The following ZC2HC1A variants were observed in gnomAD, a reference collection of about 807,000 sequenced individuals.
The protein encoded by ZC2HC1A is zinc finger C2HC domain-containing protein 1A.
In ZC2HC1A, 28 loss-of-function variants were observed where a neutral mutation model predicts 40.7. The observed-to-expected ratio is 0.69, with a 90% CI of 0.51 to 0.94. ZC2HC1A has a LOEUF of 0.94. ZC2HC1A is among the 40% of genes least tolerant of loss of function. The probability of loss-of-function intolerance (pLI) is 0.00; values close to 1 mark genes in which losing one functional copy is unlikely to be tolerated. For synonymous variants in ZC2HC1A, 129 were observed against 129.2 expected, an observed-to-expected ratio of 1.00 and a Z score of 0.01; for missense variants, 389 against 386.3, an observed-to-expected ratio of 1.01 and a Z score of -0.06.
At chr8:78,710,878 C>T (rs968962299) in intron 7 of ZC2HC1A, among the ~76,000 whole-genome samples, 3 of 152,062 alleles carry the variant, frequency 2.0e-5, no homozygotes, top group African/African-American at 7.2e-5. Flanking sequence ...AACAAAATGC[C>T]TGCTATGTAT....
intron 7 of ZC2HC1A, among the ~76,000 whole-genome samples, chr8:78,712,855 C>G: frequency 6.6e-6 from 1 of 152,104 alleles, no homozygotes; most frequent in East Asian, 1.9e-4. Flanking sequence ...ACTTAGTTAA[C>G]TTTTAAACCA....
intron 1 of ZC2HC1A, 137 bp downstream of exon 1, chr8:78,666,301 C>T: frequency 2.1e-6 from 3 of 1,429,656 alleles, no homozygotes; most frequent in South Asian, 1.3e-5. Flanking sequence ...CCTCCGGAGG[C>T]TGGGGCCGAA....
In ZC2HC1A at chr8:78,717,503, CAA is replaced by C. The variant is rs5892663; in HGVS notation, c.*23_*24del. ...AAGAATGATTCTATGAATAGAATCTCAAAAAAAAAAAAAAGCCAAGTTCAGAG... is the reference window on the plus strand; with the variant it reads ...AAGAATGATTCTATGAATAGAATCTCAAAAAAAAAAAAGCCAAGTTCAGAG... On this transcript the variant is annotated 3_prime_UTR_variant, in exon 9 of 9. Coordinates refer to ENST00000263849, the MANE Select transcript of ZC2HC1A (RefSeq NM_016010.3). The C allele has an allele frequency of 5.1e-4, 635 of 1,253,684 alleles. No homozygotes were observed. Among genetic ancestry groups the C allele is most frequent in the South Asian group, 2.3e-3 (111 of 48,700 alleles). The allele number at this position is 1,253,684 out of a possible 1,614,324, so 77.7% of individuals were successfully genotyped here.
At chr8:78,678,383 A>G (rs1363470310) in intron 2 of ZC2HC1A, among the ~76,000 whole-genome samples, 180 bp from the exon 3 acceptor site, 1 of 152,198 alleles carries the variant, frequency 6.6e-6, no homozygotes, top group Non-Finnish European at 1.5e-5. Context: ...CGTGCATTAT[A>G]TATACGTTTT....
chr8:78,682,111 A>C (rs1219192490), intron 3 of ZC2HC1A, among the ~76,000 whole-genome samples: 1 of 152,106 alleles, frequency 6.6e-6, no homozygotes, highest in Non-Finnish European at 1.5e-5. Flanking sequence ...AAATATAGAC[A>C]TAGTAGGAAT....
At chr8:78,687,812 TA>T (rs1164622175) in intron 4 of ZC2HC1A, among the ~76,000 whole-genome samples, 5 of 132,716 alleles carry the variant, frequency 3.8e-5, no homozygotes, top group Non-Finnish European at 6.2e-5. Flanking sequence ...ATTCATGTAA[TA>T]AATATATATA....
At position 78,686,547 on chromosome 8, in the gene ZC2HC1A, T is replaced by A. The variant is rs1417651775; in HGVS notation, c.291T>A (p.Leu97=). The A allele has an allele frequency of 1.3e-6, 2 of 1,546,680 alleles. No homozygotes were observed. Among genetic ancestry groups the A allele is most frequent in the South Asian group, 1.3e-5 (1 of 77,654 alleles). The change falls in exon 4 of 9, where the codon CTT becomes CTA. Residue 97 remains leucine, a synonymous_variant. Transcript: ENST00000263849. ...FIATIRAAKG[L]DQALKEGGKL... is the part of the protein sequence containing the mutation. ...CTACCATAAGAGCAGCTAAAGGCCT[T>A]GATCAGGCCCTCAAAGAGGGTGGCA...
At chr8:78,714,445 A>G (rs1185208163) in intron 7 of ZC2HC1A, among the ~76,000 whole-genome samples, 2 of 152,196 alleles carry the variant, frequency 1.3e-5, no homozygotes, top group Non-Finnish European at 2.9e-5. Context: ...TATGAATTGT[A>G]CTTTTTTTCT....
intron 7 of ZC2HC1A, among the ~76,000 whole-genome samples, chr8:78,706,444 C>G (rs1270953889): frequency 6.6e-6 from 1 of 152,146 alleles, no homozygotes; most frequent in Non-Finnish European, 1.5e-5. Context: ...ACTGAAGGCT[C>G]TAGTGGAGTG....
At chr8:78,672,768 T>C (rs1337382619) in intron 1 of ZC2HC1A, among the ~76,000 whole-genome samples, 2 of 152,218 alleles carry the variant, frequency 1.3e-5, no homozygotes, top group East Asian at 3.8e-4. Flanking sequence ...AAGCCCATTT[T>C]AATTGATAAT....
In ZC2HC1A at chr8:78,689,236, C is replaced by T. The variant is rs749463362; in HGVS notation, c.367C>T (p.Pro123Ser). ...PSYDPDYIQC[P>S]YCQRRFNENA... ...ATCTGTTATAGATTATATTCAATGTCCATATTGTCAGAGGAGATTCAATGA... is the reference window on the plus strand; with the variant it reads ...ATCTGTTATAGATTATATTCAATGTTCATATTGTCAGAGGAGATTCAATGA... The change falls in exon 5 of 9, where the codon CCA becomes TCA. Residue 123 changes from proline to serine, a missense_variant. Physicochemically the swap from Pro to Ser is moderately conservative, Grantham distance 74 (BLOSUM62 -1). Transcript: ENST00000263849. 4.5e-6 allele frequency: 7 copies of T among 1,572,988 alleles called. No homozygotes were observed. Among genetic ancestry groups the T allele is most frequent in the Non-Finnish European group, 6.0e-6 (7 of 1,160,424 alleles).
At chr8:78,689,728 A>G (rs908034424) in intron 5 of ZC2HC1A, among the ~76,000 whole-genome samples, 2 of 152,086 alleles carry the variant, frequency 1.3e-5, no homozygotes, top group Admixed American at 1.3e-4. Context: ...TCTCAGATGT[A>G]TATTAAGAAT....
chr8:78,708,766 C>T (rs1251460135), intron 7 of ZC2HC1A, among the ~76,000 whole-genome samples: 5 of 151,168 alleles, frequency 3.3e-5, no homozygotes, highest in East Asian at 3.9e-4. Context: ...CCGTAACCTC[C>T]GCCTCCTGGA....
chr8:78,669,437 C>T lies in ZC2HC1A; in HGVS notation c.16+3273C>T, dbSNP rs781580910. On this transcript the variant is annotated intron_variant, in intron 1 of 8. Coordinates refer to ENST00000263849, the MANE Select transcript of ZC2HC1A (RefSeq NM_016010.3). The stretch of plus-strand genomic sequence containing the variant: ...CTCTCAGTGTGTGTTTGTTAGATGG[C>T]GAAAATCACAAAAAGCATGTTAGCA... Among the ~76,000 whole-genome samples the T allele has an allele frequency of 1.4e-4, 22 of 151,940 alleles. 1 individual carries two copies. The highest frequency in any genetic ancestry group is 2.5e-4 in the Non-Finnish European group (17 of 67,984).
chr8:78,695,658 A>G (rs10957897), intron 5 of ZC2HC1A, among the ~76,000 whole-genome samples: 1 of 151,832 alleles, frequency 6.6e-6, no homozygotes, highest in Non-Finnish European at 1.5e-5. Context: ...TTCTCTCTCT[A>G]TATATATATA....
At chr8:78,699,009 T>C (rs1810518540) in intron 7 of ZC2HC1A, among the ~76,000 whole-genome samples, 1 of 152,164 alleles carries the variant, frequency 6.6e-6, no homozygotes, top group South Asian at 2.1e-4. Flanking sequence ...GTTTTTATTA[T>C]AATGTTAGAA....
Position 78,698,495 on chromosome 8 carries a change from T to A in ZC2HC1A, c.686T>A (p.Ile229Lys). 6.2e-7 allele frequency: 1 copy of A among 1,610,384 alleles called. No homozygotes were observed. The stretch of plus-strand genomic sequence containing the variant: ...ACCTTATCTCCCTCTCATAAAGGGA[T>A]AGCAGCCCCTCATGCAGGGTAAGTC... ...LQTLSPSHKGIAAPHAGANVK... is the reference protein window; with the variant it reads ...LQTLSPSHKGKAAPHAGANVK... The change falls in exon 7 of 9, where the codon ATA becomes AAA. Residue 229 changes from isoleucine (I) to lysine (K), a missense_variant. Coordinates refer to ENST00000263849, the MANE Select transcript of ZC2HC1A (RefSeq NM_016010.3).
rs1809661940 is a variant in ZC2HC1A, at chr8:78,678,598, T to TA, written c.135dup (p.Arg46ThrfsTer5). ...GACCCATTTGCCAGAAGACTGCAACTAAAAAACGGAAGACTTTTGATTCAA... is the reference window on the plus strand; with the variant it reads ...GACCCATTTGCCAGAAGACTGCAACTAAAAAAACGGAAGACTTTTGATTCAA... On this transcript the variant is annotated frameshift_variant, in exon 3 of 9. Transcript: ENST00000263849. LOFTEE classifies it high-confidence loss of function. The TA allele has an allele frequency of 6.2e-7, 1 of 1,612,176 alleles. No individual in the cohort carries two copies.
chr8:78,672,615 C>A (rs1229859456), intron 1 of ZC2HC1A, among the ~76,000 whole-genome samples: 2 of 152,042 alleles, frequency 1.3e-5, no homozygotes, highest in Non-Finnish European at 2.9e-5. Flanking sequence ...GTAGAGATAA[C>A]CTTTAAGATA....
Sources: gnomAD v4.1 joint callset for allele counts (sites outside exome capture counted in the v4.1 genomes callset) on GRCh38, gnomAD v4.1.1 for gene constraint, MANE v1.5 for transcripts, NCBI Gene and HGNC (gene_info 2026-07-23, HGNC 2026-07-21) for gene names.